Variants in STRBP observed in about 807,000 individuals in gnomAD.
STRBP encodes spermatid perinuclear RNA binding protein.
STRBP carries 13 observed loss-of-function variants against 80.1 expected under a neutral mutation model. That is an observed-to-expected ratio of 0.16 (90% CI 0.11 to 0.26). The LOEUF (loss-of-function observed/expected upper bound fraction) is 0.26. Ranked by LOEUF, STRBP falls within the 10% of genes least tolerant of loss-of-function variation. The probability of loss-of-function intolerance (pLI) is 1.00; values close to 1 mark genes in which losing one functional copy is unlikely to be tolerated. For missense variants in STRBP, 485 were observed against 815.2 expected (o/e 0.59, Z 4.93); for synonymous variants, 284 against 291.2 (o/e 0.98, Z 0.25).
At chr9:123,258,931 C>CT (rs1376067531) in intron 1 of STRBP, among the ~76,000 whole-genome samples, 1 of 151,756 alleles carries the variant, frequency 6.6e-6, no homozygotes, top group Non-Finnish European at 1.5e-5. Flanking sequence ...CTTGATAGGA[C>CT]TTTGTGTTTT....
intron 2 of STRBP, among the ~76,000 whole-genome samples, chr9:123,219,955 T>C (rs1436939291): frequency 1.3e-5 from 2 of 152,126 alleles, no homozygotes; most frequent in East Asian, 3.8e-4. Flanking sequence ...ATCTAGTAAA[T>C]ACACAGCCTT....
At position 123,122,415 on chromosome 9, in the gene STRBP, T is replaced by G; in HGVS notation, c.*3182A>C. 8.4e-7 allele frequency: 1 copy of G among 1,190,990 alleles called. No homozygotes were observed. Among genetic ancestry groups the G allele is most frequent in the Non-Finnish European group, 1.1e-6 (1 of 944,780 alleles). The allele number at this position is 1,190,990 out of a possible 1,614,324, so 73.8% of individuals were successfully genotyped here. ...TCAATTAATAATGGTGGCTGATTCA[T>G]GATTTTCAAACATTCACCCAAAATT... On this transcript the variant is annotated 3_prime_UTR_variant, in exon 19 of 19. Coordinates refer to ENST00000348403, the MANE Select transcript of STRBP (RefSeq NM_018387.5).
Position 123,125,217 on chromosome 9 carries a change from G to C in STRBP, c.*380C>G. Reference sequence around the variant, plus strand: ...TGCATCAGGAACCAGGCAGTACTCTGTGTTACAACAAAGCAGTTTATTTGT... The same window carrying C: ...TGCATCAGGAACCAGGCAGTACTCTCTGTTACAACAAAGCAGTTTATTTGT... On this transcript the variant is annotated 3_prime_UTR_variant, in exon 19 of 19. Coordinates refer to ENST00000348403, the MANE Select transcript of STRBP (RefSeq NM_018387.5). The C allele has an allele frequency of 1.0e-6, 1 of 992,688 alleles. No homozygotes were observed. The highest frequency in any genetic ancestry group is 5.9e-5 in the Admixed American group (1 of 16,876). 61.5% of individuals were successfully genotyped at this position (992,688 alleles called of 1,614,324 possible).
chr9:123,117,223 G>T (rs183175664), downstream of STRBP, among the ~76,000 whole-genome samples: 1 of 152,164 alleles, frequency 6.6e-6, no homozygotes, highest in Non-Finnish European at 1.5e-5. Flanking sequence ...GGGATTCAAA[G>T]GTTCCTTTTT....
In STRBP at chr9:123,158,036, A is replaced by T. The variant is rs542456461; in HGVS notation, c.1021T>A (p.Ser341Thr). 1 of 1,610,466 alleles carries T rather than the reference A, an allele frequency of 6.2e-7. No homozygotes were observed. The highest frequency in any genetic ancestry group is 1.1e-5 in the South Asian group (1 of 90,796). The change falls in exon 11 of 19, where the codon TCC becomes ACC. Residue 341 changes from serine (S) to threonine (T), a missense_variant. Around this residue, in one of 3 missense-constraint regions of STRBP, gnomAD observed 377 missense variants for 616.1 expected, o/e 0.61. Coordinates refer to ENST00000348403, the MANE Select transcript of STRBP (RefSeq NM_018387.5). ...LPSSKPFQKY[S>T]WSVTDKEGAG... ...CCTTCTTTATCAGTAACTGACCAGG[A>T]ATACTTCTGAAAAGGCTTACTAGAT...
rs2041332103 is a variant in STRBP at position 123,268,568 on chromosome 9, C to T, written c.-434G>A. The T allele has an allele frequency of 6.0e-6, 1 of 167,634 alleles. No individual in the cohort carries two copies. The highest frequency in any genetic ancestry group is 1.3e-5 in the Non-Finnish European group (1 of 78,906). 10.4% of individuals were successfully genotyped at this position (167,634 alleles called of 1,614,324 possible). A position where few individuals can be genotyped will look rare whatever the true frequency, so the allele number is the denominator to read the frequency against. ...GCGGCTGCTGCCCTGGTGGCGCTCG[C>T]GGCTCCGGTCTCCGCTTCGGCGGCG... On this transcript the variant is annotated 5_prime_UTR_variant, in exon 1 of 19. Transcript: ENST00000348403.
intron 5 of STRBP, among the ~76,000 whole-genome samples, 163 bp downstream of exon 5, chr9:123,173,514 C>T (rs980691684): frequency 4.6e-5 from 7 of 152,150 alleles, no homozygotes; most frequent in African/African-American, 1.7e-4. Flanking sequence ...CAGAAGTTTG[C>T]TTTAACTGTG....
At chr9:123,223,419 G>A (rs1387151966) in intron 2 of STRBP, among the ~76,000 whole-genome samples, 3 of 152,092 alleles carry the variant, frequency 2.0e-5, no homozygotes, top group Admixed American at 2.0e-4. Flanking sequence ...AGTAATGTAA[G>A]ATGTTAAAAA....
chr9:123,166,628 C>T (rs2037770341), intron 6 of STRBP, among the ~76,000 whole-genome samples: 1 of 152,092 alleles, frequency 6.6e-6, no homozygotes, highest in African/African-American at 2.4e-5. Context: ...GTGGCATGCA[C>T]CTGTAGTCCC....
At chr9:123,158,562 G>A in intron 9 of STRBP, 133 bp from the exon 10 acceptor site, 1 of 723,788 alleles carries the variant, frequency 1.4e-6, no homozygotes, top group Admixed American at 2.8e-5. Context: ...TTAAAAGTCT[G>A]CTCAGTTAAG....
At chr9:123,140,454 T>C (rs1341036144) in intron 13 of STRBP, among the ~76,000 whole-genome samples, 1 of 151,944 alleles carries the variant, frequency 6.6e-6, no homozygotes, top group East Asian at 1.9e-4. Context: ...ATTAGCTGGG[T>C]GTGGCGGTGC....
intron 2 of STRBP, among the ~76,000 whole-genome samples, chr9:123,236,407 G>A (rs184284831): frequency 6.6e-6 from 1 of 152,150 alleles, no homozygotes; most frequent in Non-Finnish European, 1.5e-5. Flanking sequence ...TAAAATCTCT[G>A]CTACCCGGTA....
chr9:123,155,415 C>T (rs1453303769), intron 11 of STRBP, among the ~76,000 whole-genome samples: 1 of 152,040 alleles, frequency 6.6e-6, no homozygotes. Flanking sequence ...CAACCCAGTA[C>T]AGACACAGAG....
chr9:123,120,522 G>C (rs1010607459), downstream of STRBP, among the ~76,000 whole-genome samples: 30 of 150,370 alleles, frequency 2.0e-4, no homozygotes, highest in African/African-American at 7.1e-4. Context: ...GGGAAAGCAG[G>C]GGGGATCTCC....
intron 2 of STRBP, among the ~76,000 whole-genome samples, chr9:123,224,244 A>G (rs1187339890): frequency 1.3e-5 from 2 of 152,172 alleles, no homozygotes; most frequent in African/African-American, 2.4e-5. Flanking sequence ...CTTGTCTCCA[A>G]TCATGGGCCC....
chr9:123,247,843 A>G (rs2040829880), intron 1 of STRBP, among the ~76,000 whole-genome samples: 2 of 152,234 alleles, frequency 1.3e-5, no homozygotes, highest in Admixed American at 6.5e-5. Flanking sequence ...ACTAAAATAT[A>G]TCTTAACATA....
chr9:123,256,413 G>A (rs996412255), intron 1 of STRBP, among the ~76,000 whole-genome samples: 1 of 151,938 alleles, frequency 6.6e-6, no homozygotes, highest in African/African-American at 2.4e-5. Context: ...TACTTGATAG[G>A]TTCTTGGAAA....
chr9:123,144,223 G>C (rs1250010608), intron 13 of STRBP, among the ~76,000 whole-genome samples: 1 of 148,262 alleles, frequency 6.7e-6, no homozygotes, highest in Non-Finnish European at 1.5e-5. Flanking sequence ...AAGAAAGAAA[G>C]AAAGAAAGAT....
chr9:123,258,851 G>A (rs1352035982), intron 1 of STRBP, among the ~76,000 whole-genome samples: 1 of 151,640 alleles, frequency 6.6e-6, no homozygotes, highest in Non-Finnish European at 1.5e-5. Context: ...TGGCCAGAAT[G>A]GAGTAAGCAA....
Sources: gnomAD v4.1 joint callset for allele counts (sites outside exome capture counted in the v4.1 genomes callset) on GRCh38, gnomAD v4.1.1 for gene constraint, gnomAD v4.1.1 regional missense constraint, MANE v1.5 for transcripts, NCBI Gene and HGNC (gene_info 2026-07-23, HGNC 2026-07-21) for gene names.